Variants in ASIC2 observed in about 807,000 individuals in gnomAD.
ASIC2 encodes the protein acid-sensing ion channel 2.
Under a neutral mutation model 57.3 loss-of-function variants are expected in ASIC2, and 25 were observed. The ratio of observed to expected loss-of-function variants is 0.44; its 90% CI spans 0.32 to 0.61. The LOEUF is 0.61. ASIC2 is among the 20% of genes least tolerant of loss of function. ASIC2 has a pLI of 0.06. For missense variants in ASIC2, 641 were observed against 738.1 expected (o/e 0.87, Z 1.52); for synonymous variants, 319 against 307.5 (o/e 1.04, Z -0.39).
At chr17:33,108,259 G>T (rs1438806174) in intron 2 of ASIC2, among the ~76,000 whole-genome samples, 2 of 152,172 alleles carry the variant, frequency 1.3e-5, no homozygotes, top group Non-Finnish European at 1.5e-5. Context: ...TCATTAAACT[G>T]CCTGGGCACA....
At chr17:33,149,538 G>A (rs148103382) in intron 1 of ASIC2, among the ~76,000 whole-genome samples, 197 of 152,318 alleles carry the variant, frequency 1.3e-3, no homozygotes, top group African/African-American at 4.5e-3. Flanking sequence ...CTAACACAGT[G>A]ACTTGTATAT....
Position 33,595,276 on chromosome 17 carries a change from C to T in ASIC2, c.556-483209G>A, listed in dbSNP as rs531184557. On this transcript the variant is annotated intron_variant, in intron 1 of 9. Transcript: ENST00000359872. Reference sequence around the variant, plus strand: ...AGAATTGAAAACCAGGTCTGTCTGACCTGAAGTCCGTTTTCTTCCAGCTAT... The same window carrying T: ...AGAATTGAAAACCAGGTCTGTCTGATCTGAAGTCCGTTTTCTTCCAGCTAT... Among the ~76,000 whole-genome samples, 3 of 152,270 alleles carry T rather than the reference C, an allele frequency of 2.0e-5. No homozygotes were observed. The South Asian group carries it at 6.2e-4, about 32-fold the overall frequency.
At chr17:33,944,821 C>A (rs1916271198) in intron 1 of ASIC2, among the ~76,000 whole-genome samples, 1 of 152,148 alleles carries the variant, frequency 6.6e-6, no homozygotes, top group South Asian at 2.1e-4. Context: ...ATCCGTGCCT[C>A]CAGAAGAGTG....
intron 3 of ASIC2, chr17:33,052,024 C>T (rs1055350592): frequency 6.6e-6 from 1 of 152,118 alleles, no homozygotes; most frequent in Non-Finnish European, 1.5e-5. Flanking sequence ...GAGCAAAGCC[C>T]ACATTATGGA....
At chr17:33,169,330 C>T (rs1905420746) in intron 1 of ASIC2, among the ~76,000 whole-genome samples, 1 of 152,190 alleles carries the variant, frequency 6.6e-6, no homozygotes, top group African/African-American at 2.4e-5. Flanking sequence ...TCTTTCCTTC[C>T]AACTGCTCTC....
chr17:33,359,506 G>T (rs1908516441), intron 1 of ASIC2, among the ~76,000 whole-genome samples: 1 of 152,188 alleles, frequency 6.6e-6, no homozygotes, highest in Non-Finnish European at 1.5e-5. Context: ...GCAGCTAAAA[G>T]TCAATAGCAG....
chr17:34,045,448 T>C (rs976421162), intron 1 of ASIC2, among the ~76,000 whole-genome samples: 3 of 152,196 alleles, frequency 2.0e-5, no homozygotes, highest in African/African-American at 4.8e-5. Context: ...GCTGAGACTA[T>C]ACCAGGAATT....
intron 1 of ASIC2, among the ~76,000 whole-genome samples, chr17:33,269,200 A>C (rs1001800788): frequency 2.0e-5 from 3 of 152,158 alleles, no homozygotes; most frequent in Non-Finnish European, 4.4e-5. Context: ...TGAGATTCTT[A>C]TGCCACATGG....
chr17:33,500,911 T>C (rs1914081783), intron 1 of ASIC2, among the ~76,000 whole-genome samples: 1 of 152,268 alleles, frequency 6.6e-6, no homozygotes, highest in Non-Finnish European at 1.5e-5. Context: ...TGAATGTGTT[T>C]ATAGCGTCCC....
chr17:33,558,056 T>C (rs867159486), intron 1 of ASIC2, among the ~76,000 whole-genome samples: 6 of 152,142 alleles, frequency 3.9e-5, no homozygotes, highest in Middle Eastern at 6.8e-3. Flanking sequence ...CATTTGGGCC[T>C]TCTTGGTATC....
At chr17:33,339,072 T>C (rs1907631295) in intron 1 of ASIC2, among the ~76,000 whole-genome samples, 1 of 152,144 alleles carries the variant, frequency 6.6e-6, no homozygotes, top group African/African-American at 2.4e-5. Context: ...ATTTTATGTC[T>C]TGTGTTTTTT....
intron 1 of ASIC2, among the ~76,000 whole-genome samples, chr17:33,254,181 G>A (rs948636853): frequency 1.1e-4 from 16 of 152,080 alleles, no homozygotes; most frequent in Non-Finnish European, 1.5e-4. Context: ...GGTGGCTCTG[G>A]GCTGCTGAGG....
At chr17:34,007,485 G>T (rs956587720) in intron 1 of ASIC2, among the ~76,000 whole-genome samples, 15 of 152,190 alleles carry the variant, frequency 9.9e-5, no homozygotes, top group African/African-American at 3.4e-4. Context: ...GGGATAAGCT[G>T]CTTACACTTA....
chr17:33,511,590 A>G (rs1252391298), intron 1 of ASIC2, among the ~76,000 whole-genome samples: 1 of 151,986 alleles, frequency 6.6e-6, no homozygotes, highest in Non-Finnish European at 1.5e-5. Flanking sequence ...GAAGGTGCCC[A>G]CTTCCTCCCT....
At chr17:33,257,507 G>A (rs1264617484) in intron 1 of ASIC2, among the ~76,000 whole-genome samples, 2 of 152,186 alleles carry the variant, frequency 1.3e-5, no homozygotes, top group African/African-American at 4.8e-5. Flanking sequence ...ACTTATCTAA[G>A]GTCACACAGC....
chr17:33,290,005 A>G (rs1204843897), intron 1 of ASIC2, among the ~76,000 whole-genome samples: 1 of 152,362 alleles, frequency 6.6e-6, no homozygotes, highest in African/African-American at 2.4e-5. Context: ...ACTTAGAAGC[A>G]TATGTTAACA....
chr17:33,892,909 G>A (rs551642592), intron 1 of ASIC2, among the ~76,000 whole-genome samples: 35 of 152,234 alleles, frequency 2.3e-4, no homozygotes. Flanking sequence ...TTGGGAGGAG[G>A]GAGCTGGCTC....
At chr17:34,124,145 T>G (rs1911705597) in intron 1 of ASIC2, among the ~76,000 whole-genome samples, 1 of 152,162 alleles carries the variant, frequency 6.6e-6, no homozygotes, top group African/African-American at 2.4e-5. Flanking sequence ...ACATTGGTAT[T>G]ATTTTTCTCA....
intron 2 of ASIC2, among the ~76,000 whole-genome samples, chr17:33,100,764 T>C (rs538186197): frequency 6.6e-6 from 1 of 152,260 alleles, no homozygotes; most frequent in African/African-American, 2.4e-5. Context: ...GGTATGCAGT[T>C]GAGATTCACT....
Sources: gnomAD v4.1 joint callset for allele counts (sites outside exome capture counted in the v4.1 genomes callset) on GRCh38, gnomAD v4.1.1 for gene constraint, MANE v1.5 for transcripts, NCBI Gene and HGNC (gene_info 2026-07-23, HGNC 2026-07-21) for gene names.